Variants in CCDC7 observed in about 807,000 individuals in gnomAD.
CCDC7 encodes the protein coiled-coil domain containing 7.
CCDC7 carries 183 observed loss-of-function variants against 196.9 expected under a neutral mutation model. The ratio of observed to expected loss-of-function variants is 0.93; its 90% CI spans 0.82 to 1.05. The LOEUF (loss-of-function observed/expected upper bound fraction) is 1.05, where lower values mean the gene tolerates loss of function less well. CCDC7 is among the 50% of genes least tolerant of loss of function. The probability of loss-of-function intolerance (pLI) is 0.00; values close to 1 mark genes in which losing one functional copy is unlikely to be tolerated. For missense variants in CCDC7, 1,540 were observed against 1,482.2 expected (o/e 1.04, Z -0.64); for synonymous variants, 525 against 484.6 (o/e 1.08, Z -1.10).
chr10:32,662,215 A>C (rs535398902), intron 20 of CCDC7, among the ~76,000 whole-genome samples: 17 of 152,260 alleles, frequency 1.1e-4, no homozygotes, highest in African/African-American at 4.1e-4. Context: ...CACCAGGCGG[A>C]CACTGCTGAG....
At chr10:32,859,911 G>A (rs1319413709) in intron 41 of CCDC7, among the ~76,000 whole-genome samples, 1 of 152,126 alleles carries the variant, frequency 6.6e-6, no homozygotes, top group African/African-American at 2.4e-5. Flanking sequence ...TGAAATTGAG[G>A]CAGCAATTAA....
intron 18 of CCDC7, among the ~76,000 whole-genome samples, chr10:32,594,953 G>A (rs1225441126): frequency 6.6e-6 from 1 of 152,228 alleles, no homozygotes; most frequent in Non-Finnish European, 1.5e-5. Context: ...TGGTTTGCCA[G>A]TATTTTATTG....
At chr10:32,752,731 A>G (rs922654697) in intron 28 of CCDC7, among the ~76,000 whole-genome samples, 5 of 152,186 alleles carry the variant, frequency 3.3e-5, no homozygotes, top group Admixed American at 1.3e-4. Context: ...ATTTAAAAAT[A>G]TATCAATGAT....
rs575904523 is a variant in CCDC7, at chr10:32,707,597, T to C, written c.2459-4023T>C. On this transcript the variant is annotated intron_variant, in intron 24 of 41. Coordinates refer to ENST00000639629, the Ensembl canonical transcript of CCDC7. ...CCATCGTCTCAGCCCAAAATCTCCTTAAGCTGATAAGCAACTTCAGCAAAG... is the reference window on the plus strand; with the variant it reads ...CCATCGTCTCAGCCCAAAATCTCCTCAAGCTGATAAGCAACTTCAGCAAAG... Among the ~76,000 whole-genome samples, 39 of 152,328 alleles carry C rather than the reference T, an allele frequency of 2.6e-4. No individual in the cohort carries two copies. In the South Asian group the frequency reaches 7.7e-3, roughly 30 times the overall value.
Position 32,569,627 on chromosome 10 carries a change from C to A in CCDC7, c.1419+1736C>A, listed in dbSNP as rs1040772960. Among the ~76,000 whole-genome samples the A allele has an allele frequency of 2.6e-5, 4 of 152,104 alleles. No individual in the cohort carries two copies. In the East Asian group the frequency reaches 7.8e-4, roughly 30 times the overall value. On this transcript the variant is annotated intron_variant, in intron 15 of 41. Transcript: ENST00000639629. ...ATTTTTAGTAGAGACGGAGTTTCACCATGTTGGCCAGGCTGGTCTCGAACT... is the reference window on the plus strand; with the variant it reads ...ATTTTTAGTAGAGACGGAGTTTCACAATGTTGGCCAGGCTGGTCTCGAACT...
intron 16 of CCDC7, among the ~76,000 whole-genome samples, chr10:32,575,918 G>A (rs912335016): frequency 2.0e-5 from 3 of 152,134 alleles, no homozygotes; most frequent in South Asian, 4.1e-4. Flanking sequence ...TGGGTTAGAT[G>A]AGGATGTAGA....
chr10:32,770,896 A>T (rs2079064642), intron 28 of CCDC7, among the ~76,000 whole-genome samples: 1 of 152,100 alleles, frequency 6.6e-6, no homozygotes. Context: ...CTGATACAAG[A>T]ATAGCTACTC....
intron 18 of CCDC7, among the ~76,000 whole-genome samples, chr10:32,600,939 T>A (rs1391889705): frequency 1.3e-5 from 2 of 152,188 alleles, no homozygotes; most frequent in Non-Finnish European, 2.9e-5. Flanking sequence ...TCTGGGAACA[T>A]CTTAATTTTC....
At chr10:32,694,992 A>G in exon 24 of CCDC7, 1 of 1,516,062 alleles carries the variant, frequency 6.6e-7, no homozygotes, top group East Asian at 2.3e-5. Flanking sequence ...AAGACATAGT[A>G]GTAAGTATAA....
intron 28 of CCDC7, among the ~76,000 whole-genome samples, chr10:32,731,907 GCGGCGCATGGTGGCACGCGCCTGTAGTCC>G (rs2084036738): frequency 6.6e-6 from 1 of 152,100 alleles, no homozygotes; most frequent in African/African-American, 2.4e-5. Context: ...CAAAAAATTA[GCGGCGCATGGTGGCACGCGCCTGTAGTCC>G]CGGCTACTTG....
intron 41 of CCDC7, among the ~76,000 whole-genome samples, chr10:32,862,435 A>T (rs2094034252): frequency 6.6e-6 from 1 of 151,670 alleles, no homozygotes; most frequent in African/African-American, 2.4e-5. Context: ...GGGCTAGGGG[A>T]GGGATAGCAT....
chr10:32,768,915 T>C (rs1312238078), intron 28 of CCDC7, among the ~76,000 whole-genome samples: 1 of 152,216 alleles, frequency 6.6e-6, no homozygotes, highest in African/African-American at 2.4e-5. Flanking sequence ...GGATTTGGTT[T>C]GCTAGCATTT....
chr10:32,747,262 C>T (rs992343769), intron 28 of CCDC7, among the ~76,000 whole-genome samples: 30 of 152,146 alleles, frequency 2.0e-4, no homozygotes, highest in Non-Finnish European at 4.3e-4. Flanking sequence ...ACTATAAAAA[C>T]CCTAGAAGGA....
chr10:32,608,729 C>T (rs1031015054), intron 18 of CCDC7, among the ~76,000 whole-genome samples: 6 of 151,880 alleles, frequency 4.0e-5, no homozygotes, highest in African/African-American at 9.7e-5. Context: ...TTAAGAGAGA[C>T]GGGGTTTTGC....
At chr10:32,649,642 G>C (rs1365328756) in intron 20 of CCDC7, among the ~76,000 whole-genome samples, 1 of 152,120 alleles carries the variant, frequency 6.6e-6, no homozygotes, top group Non-Finnish European at 1.5e-5. Context: ...CCTCTCTCAG[G>C]AATGCCAATG....
intron 39 of CCDC7, among the ~76,000 whole-genome samples, chr10:32,850,577 C>G (rs2093514889): frequency 6.6e-6 from 1 of 152,154 alleles, no homozygotes; most frequent in Non-Finnish European, 1.5e-5. Flanking sequence ...AGTGTTCCTG[C>G]TGATTGAGAA....
chr10:32,707,246 A>C (rs2079938411), intron 24 of CCDC7, among the ~76,000 whole-genome samples: 1 of 152,254 alleles, frequency 6.6e-6, no homozygotes, highest in Non-Finnish European at 1.5e-5. Context: ...TAGATGCAGA[A>C]AAGGTCTTTG....
chr10:32,821,983 C>G (rs72784005), intron 31 of CCDC7, among the ~76,000 whole-genome samples: 15,845 of 143,466 alleles, frequency 0.11, 1,026 homozygotes, highest in South Asian at 0.27. Flanking sequence ...ACAAACAAAA[C>G]AATAAATAAA....
intron 29 of CCDC7, among the ~76,000 whole-genome samples, chr10:32,792,492 A>C (rs2082861429): frequency 6.6e-6 from 1 of 152,242 alleles, no homozygotes; most frequent in Non-Finnish European, 1.5e-5. Context: ...TTATCAGCTT[A>C]AATTACTTGC....
Sources: allele counts gnomAD v4.1 joint callset (sites outside exome capture counted in the v4.1 genomes callset), GRCh38; gene constraint gnomAD v4.1.1; transcripts MANE v1.5; gene names NCBI Gene and HGNC (gene_info 2026-07-23, HGNC 2026-07-21).